Variants in GBE1 observed in about 807,000 individuals in gnomAD.
GBE1 encodes the protein 1,4-alpha-glucan-branching enzyme.
Under a neutral mutation model 88.8 loss-of-function variants are expected in GBE1, and 70 were observed. The observed-to-expected ratio is 0.79, with a 90% CI of 0.65 to 0.96. The LOEUF is 0.96. GBE1 is among the 40% of genes least tolerant of loss of function. The pLI, the probability that GBE1 is intolerant of heterozygous loss-of-function variation, is 0.00. For synonymous variants in GBE1, 284 were observed against 300.1 expected, an observed-to-expected ratio of 0.95 and a Z score of 0.56; for missense variants, 872 against 871.0, an observed-to-expected ratio of 1.00 and a Z score of -0.01.
chr3:81,516,819 C>T (rs1172556796), intron 14 of GBE1, among the ~76,000 whole-genome samples: 2 of 151,592 alleles, frequency 1.3e-5, no homozygotes, highest in East Asian at 3.9e-4. Context: ...ACTGCAGATG[C>T]AGTGGAAATT....
chr3:81,728,908 T>C (rs902740974), intron 1 of GBE1, among the ~76,000 whole-genome samples: 8 of 146,832 alleles, frequency 5.4e-5, no homozygotes, highest in African/African-American at 1.0e-4. Context: ...TCACCCCCCC[T>C]TTTTTTTTTG....
intron 7 of GBE1, among the ~76,000 whole-genome samples, chr3:81,608,294 A>G (rs2106984025): frequency 6.6e-6 from 1 of 152,334 alleles, no homozygotes; most frequent in Non-Finnish European, 1.5e-5. Context: ...GCACAAGGAA[A>G]GAAAGGGGAG....
intron 1 of GBE1, among the ~76,000 whole-genome samples, chr3:81,758,297 T>G (rs1236875146): frequency 1.3e-5 from 2 of 152,256 alleles, no homozygotes; most frequent in African/African-American, 4.8e-5. Flanking sequence ...AAAGTAGTAT[T>G]ATTAAATTGT....
chr3:81,536,785 C>T, intron 13 of GBE1, 126 bp downstream of exon 13: 1 of 657,252 alleles, frequency 1.5e-6, no homozygotes, highest in Non-Finnish European at 2.5e-6. Flanking sequence ...AAGTATGGTA[C>T]AGGACACTAG....
At chr3:81,739,551 T>C (rs921920214) in intron 1 of GBE1, among the ~76,000 whole-genome samples, 5 of 152,160 alleles carry the variant, frequency 3.3e-5, no homozygotes, top group South Asian at 4.1e-4. Context: ...CTGGCAAATA[T>C]TGAGTGAGTT....
At chr3:81,748,203 G>A (rs1706445083) in intron 1 of GBE1, among the ~76,000 whole-genome samples, 1 of 152,140 alleles carries the variant, frequency 6.6e-6, no homozygotes, top group South Asian at 2.1e-4. Flanking sequence ...TTTCACCAAA[G>A]AAAACGTACA....
intron 7 of GBE1, among the ~76,000 whole-genome samples, chr3:81,615,270 A>T (rs1704233532): frequency 6.6e-6 from 1 of 152,192 alleles, no homozygotes. Context: ...GAAATGATAC[A>T]GAGGGGTACT....
At chr3:81,665,303 G>A (rs1473355026) in intron 3 of GBE1, among the ~76,000 whole-genome samples, 2 of 152,224 alleles carry the variant, frequency 1.3e-5, no homozygotes, top group South Asian at 2.1e-4. Flanking sequence ...GGAGGCTGAG[G>A]CGGGCGGATC....
intron 9 of GBE1, 85 bp downstream of exon 9, chr3:81,590,952 T>A (rs1396593057): frequency 1.6e-5 from 19 of 1,181,092 alleles, no homozygotes; most frequent in Admixed American, 2.7e-5. Context: ...ATTGACAACA[T>A]GAGATTGATT....
At chr3:81,537,416 C>T (rs756306427) in intron 12 of GBE1, among the ~76,000 whole-genome samples, 5 of 152,122 alleles carry the variant, frequency 3.3e-5, no homozygotes, top group African/African-American at 7.2e-5. Context: ...ATAATCTCTG[C>T]GATCTCAGAG....
chr3:81,740,743 ACTGC>A (rs1409628463), intron 1 of GBE1, among the ~76,000 whole-genome samples: 2 of 148,826 alleles, frequency 1.3e-5, no homozygotes, highest in Non-Finnish European at 3.0e-5. Flanking sequence ...CTCCCACTGT[ACTGC>A]CTAAGAGTGT....
intron 14 of GBE1, among the ~76,000 whole-genome samples, chr3:81,501,990 G>A (rs1424809529): frequency 6.8e-6 from 1 of 146,594 alleles, no homozygotes; most frequent in Non-Finnish European, 1.5e-5. Flanking sequence ...TACCATGCCT[G>A]GAATGCTTTT....
intron 7 of GBE1, among the ~76,000 whole-genome samples, chr3:81,632,843 A>AATTACACT (rs1358338472): frequency 6.6e-6 from 1 of 152,194 alleles, no homozygotes; most frequent in Non-Finnish European, 1.5e-5. Flanking sequence ...AACAATGCCC[A>AATTACACT]GAGGGACAAT....
intron 1 of GBE1, among the ~76,000 whole-genome samples, chr3:81,720,552 C>T (rs1706013650): frequency 6.6e-6 from 1 of 151,924 alleles, no homozygotes; most frequent in Non-Finnish European, 1.5e-5. Flanking sequence ...TAACTATTTA[C>T]CCAAATTGAA....
At chr3:81,603,126 T>C (rs1047628454) in intron 7 of GBE1, among the ~76,000 whole-genome samples, 1 of 152,170 alleles carries the variant, frequency 6.6e-6, no homozygotes, top group Non-Finnish European at 1.5e-5. Flanking sequence ...CTCCCTTTCC[T>C]CTTTGTTAGC....
intron 12 of GBE1, among the ~76,000 whole-genome samples, chr3:81,557,737 T>C (rs1703366110): frequency 6.6e-6 from 1 of 151,998 alleles, no homozygotes; most frequent in Non-Finnish European, 1.5e-5. Flanking sequence ...TAAAAGTAGA[T>C]GAGTTTTCTG....
intron 12 of GBE1, among the ~76,000 whole-genome samples, chr3:81,562,980 T>C (rs1305511088): frequency 6.6e-6 from 1 of 152,016 alleles, no homozygotes; most frequent in Non-Finnish European, 1.5e-5. Flanking sequence ...TAGTCTCCTA[T>C]TGTCGAGTTG....
chr3:81,604,408 C>T (rs1704077597), intron 7 of GBE1, among the ~76,000 whole-genome samples: 1 of 151,130 alleles, frequency 6.6e-6, no homozygotes, highest in South Asian at 2.1e-4. Context: ...TCACCTCAGC[C>T]CCCAAGTAGC....
chr3:81,613,166 T>C, intron 7 of GBE1: 1 of 276,160 alleles, frequency 3.6e-6, no homozygotes, highest in Non-Finnish European at 6.7e-6. Context: ...TTTTTTTTAA[T>C]CTTGTCCTCA....
Sources: gnomAD v4.1 joint callset for allele counts (sites outside exome capture counted in the v4.1 genomes callset) on GRCh38, gnomAD v4.1.1 for gene constraint, MANE v1.5 for transcripts, NCBI Gene and HGNC (gene_info 2026-07-23, HGNC 2026-07-21) for gene names.